The following TMX3 variants were observed in gnomAD, a reference collection of about 807,000 sequenced individuals.
TMX3 encodes the protein thioredoxin related transmembrane protein 3.
Under a neutral mutation model 64.4 loss-of-function variants are expected in TMX3, and 40 were observed. The observed-to-expected ratio is 0.62, with a 90% CI of 0.48 to 0.81. The LOEUF (loss-of-function observed/expected upper bound fraction) is 0.81, where lower values mean the gene tolerates loss of function less well. Among genes scored for constraint, TMX3 ranks in the 30% least tolerant of loss-of-function variants. The pLI, the probability that TMX3 is intolerant of heterozygous loss-of-function variation, is 0.00. For missense variants in TMX3, 497 were observed against 534.5 expected (o/e 0.93, Z 0.69); for synonymous variants, 189 against 175.7 (o/e 1.08, Z -0.60).
intron 2 of TMX3, 21 bp downstream of exon 2, chr18:68,713,825 A>AAT (rs907623978): frequency 1.5e-5 from 18 of 1,216,508 alleles, no homozygotes; most frequent in Middle Eastern, 4.6e-4. Context: ...TAATATTTTA[A>AAT]ATATATATAT....
chr18:68,705,981 T>C (rs975980721), intron 4 of TMX3, among the ~76,000 whole-genome samples: 6 of 152,222 alleles, frequency 3.9e-5, no homozygotes, highest in African/African-American at 1.4e-4. Context: ...TCACTTTGAA[T>C]AGTCTTATCT....
chr18:68,701,332 A>C (rs188467494), intron 5 of TMX3, among the ~76,000 whole-genome samples: 116 of 152,244 alleles, frequency 7.6e-4, no homozygotes, highest in Non-Finnish European at 1.3e-3. Flanking sequence ...TCATGATAAA[A>C]CAAGTCCTTT....
intron 6 of TMX3, among the ~76,000 whole-genome samples, chr18:68,700,117 G>A (rs8088477): frequency 0.051 from 7,690 of 152,024 alleles, 662 homozygotes; most frequent in African/African-American, 0.17. Flanking sequence ...GTTGCTACAC[G>A]TAATCGAAAT....
At chr18:68,708,015 GTGTATATA>G (rs753744064) in intron 4 of TMX3, among the ~76,000 whole-genome samples, 5,350 of 138,278 alleles carry the variant, frequency 0.039, 220 homozygotes, top group African/African-American at 0.14. Context: ...ATGTGTATAT[GTGTATATA>G]TGTGTATATG....
chr18:68,704,123 G>A (rs1332482048), intron 4 of TMX3, among the ~76,000 whole-genome samples: 5 of 151,862 alleles, frequency 3.3e-5, no homozygotes, highest in African/African-American at 4.8e-5. Flanking sequence ...ATTTTAAAAC[G>A]AAAAAATAGA....
intron 9 of TMX3, among the ~76,000 whole-genome samples, chr18:68,690,306 T>A (rs1341336583): frequency 6.6e-6 from 1 of 152,048 alleles, no homozygotes; most frequent in African/African-American, 2.4e-5. Flanking sequence ...TGAAACACAG[T>A]TCGTGAGAAC....
rs1156959527 is a variant in TMX3 at position 68,703,287 on chromosome 18, T to C, written c.266-1497A>G. On this transcript the variant is annotated intron_variant, in intron 4 of 15. Transcript: ENST00000299608. ...AACTGTCAAAACATAAGGACTAATA[T>C]AATTGATTGGGGGACAAAGTTATAT... 7.2e-5 allele frequency among the ~76,000 whole-genome samples: 11 copies of C among 152,360 alleles called. 1 individual carries two copies. Among genetic ancestry groups the C allele is most frequent in the Admixed American group, 4.6e-4 (7 of 15,306 alleles).
intron 10 of TMX3, 91 bp downstream of exon 10, chr18:68,687,576 G>C: frequency 3.9e-6 from 6 of 1,520,284 alleles, no homozygotes; most frequent in South Asian, 1.3e-5. Context: ...TTGAGAAATA[G>C]AGCTTAAATT....
At chr18:68,706,937 A>C (rs1292636292) in intron 4 of TMX3, among the ~76,000 whole-genome samples, 1 of 152,228 alleles carries the variant, frequency 6.6e-6, no homozygotes, top group Non-Finnish European at 1.5e-5. Context: ...ATTTAAGTGG[A>C]TAATGCTTCC....
At chr18:68,679,713 C>A in intron 14 of TMX3, 182 bp from the exon 15 acceptor site, 1 of 538,200 alleles carries the variant, frequency 1.9e-6, no homozygotes, top group Non-Finnish European at 3.2e-6. Context: ...CAGCATTCCT[C>A]CTGCCTGCTT....
At chr18:68,689,086 C>T (rs76349880) in intron 9 of TMX3, 1 of 152,132 alleles carries the variant, frequency 6.6e-6, no homozygotes, top group African/African-American at 2.4e-5. Flanking sequence ...AGGAAATATA[C>T]TCCCAAGTCC....
intron 4 of TMX3, among the ~76,000 whole-genome samples, chr18:68,708,239 TCTC>T (rs1278614922): frequency 1.3e-5 from 2 of 152,042 alleles, no homozygotes; most frequent in Non-Finnish European, 2.9e-5. Context: ...ATTTATCTCT[TCTC>T]CTCTCAAAAT....
In TMX3 at chr18:68,700,489, T is replaced by TA. The variant is rs368921366; in HGVS notation, c.312-5dup. The stretch of plus-strand genomic sequence containing the variant: ...ATATGCCAAGTCCCCTTTTAATCTT[T>TA]AAAAAAAAAAAAAAATTAAAACCTG... On this transcript the variant is annotated splice_region_variant and splice_polypyrimidine_tract_variant and intron_variant, in intron 5 of 15. Transcript: ENST00000299608. The TA allele has an allele frequency of 0.15, 160,862 of 1,060,938 alleles. 128 individuals are homozygous for TA. Among genetic ancestry groups the TA allele is most frequent in the Non-Finnish European group, 0.17 (131,286 of 783,690 alleles). The allele number at this position is 1,060,938 out of a possible 1,614,324, so 65.7% of individuals were successfully genotyped here. A position where few individuals can be genotyped will look rare whatever the true frequency, so the allele number is the denominator to read the frequency against.
chr18:68,713,688 C>T (rs1242973778), intron 2 of TMX3, among the ~76,000 whole-genome samples, 158 bp downstream of exon 2: 1 of 152,004 alleles, frequency 6.6e-6, no homozygotes, highest in Non-Finnish European at 1.5e-5. Flanking sequence ...TAATAAAACT[C>T]TTCTGGGCAC....
intron 14 of TMX3, among the ~76,000 whole-genome samples, chr18:68,680,621 TAA>T (rs1365632174): frequency 2.6e-5 from 4 of 152,120 alleles, no homozygotes; most frequent in Non-Finnish European, 5.9e-5. Flanking sequence ...AGAAACATAC[TAA>T]GAGACAGGCA....
intron 13 of TMX3, among the ~76,000 whole-genome samples, chr18:68,681,715 G>A (rs573909929): frequency 2.1e-4 from 32 of 152,284 alleles, no homozygotes; most frequent in African/African-American, 7.7e-4. Context: ...AATAACAAAT[G>A]AAGGCATTTG....
At chr18:68,711,320 A>C in intron 3 of TMX3, 44 bp downstream of exon 3, 2 of 1,475,180 alleles carry the variant, frequency 1.4e-6, no homozygotes, top group Non-Finnish European at 1.9e-6. Flanking sequence ...TAATACTTAA[A>C]ATGGTAGGGG....
intron 2 of TMX3, among the ~76,000 whole-genome samples, 164 bp from the exon 3 acceptor site, chr18:68,711,567 T>G (rs2031279704): frequency 6.6e-6 from 1 of 152,104 alleles, no homozygotes; most frequent in South Asian, 2.1e-4. Flanking sequence ...ATTAAACATC[T>G]CAAAGATAAA....
chr18:68,684,292 A>G (rs374085890), intron 11 of TMX3, 49 bp from the exon 12 acceptor site: 2 of 1,528,484 alleles, frequency 1.3e-6, no homozygotes, highest in South Asian at 1.2e-5. Flanking sequence ...CTTGAAAAAC[A>G]TAATTTTTCA....
Sources: gnomAD v4.1 joint callset for allele counts (sites outside exome capture counted in the v4.1 genomes callset) on GRCh38, gnomAD v4.1.1 for gene constraint, MANE v1.5 for transcripts, NCBI Gene and HGNC (gene_info 2026-07-23, HGNC 2026-07-21) for gene names.